SLC27A6: variants seen among roughly 807,000 people sequenced by gnomAD.
The protein encoded by SLC27A6 is solute carrier family 27 member 6.
A neutral mutation model predicts 63.9 loss-of-function variants in SLC27A6; 74 were observed. That is an observed-to-expected ratio of 1.16 (90% CI 0.96 to 1.40). SLC27A6 has a LOEUF of 1.40. Ranked by LOEUF, SLC27A6 falls within the 40% of genes most tolerant of loss-of-function variation. The pLI, the probability that SLC27A6 is intolerant of heterozygous loss-of-function variation, is 0.00. For missense variants in SLC27A6, 794 were observed against 732.9 expected, an observed-to-expected ratio of 1.08 and a Z score of -0.96; for synonymous variants, 287 against 260.8, an observed-to-expected ratio of 1.10 and a Z score of -0.97.
At chr5:129,005,575 A>G (rs1046872582) in intron 4 of SLC27A6, among the ~76,000 whole-genome samples, 1 of 151,022 alleles carries the variant, frequency 6.6e-6, no homozygotes, top group Non-Finnish European at 1.5e-5. Context: ...TCTCAAAAGC[A>G]GCCATAGATG....
intron 4 of SLC27A6, among the ~76,000 whole-genome samples, chr5:128,997,666 A>C (rs17767243): frequency 6.6e-6 from 1 of 152,044 alleles, no homozygotes; most frequent in Non-Finnish European, 1.5e-5. Context: ...ATCTTTTTCT[A>C]TCTGTCCTTT....
intron 1 of SLC27A6, among the ~76,000 whole-genome samples, chr5:128,973,363 G>T (rs181104264): frequency 1.3e-5 from 2 of 152,288 alleles, no homozygotes; most frequent in African/African-American, 4.8e-5. Flanking sequence ...ATTCAGCTAT[G>T]CCCTGCCCCC....
At chr5:129,011,913 A>G (rs1751740044) in intron 4 of SLC27A6, among the ~76,000 whole-genome samples, 1 of 152,108 alleles carries the variant, frequency 6.6e-6, no homozygotes, top group African/African-American at 2.4e-5. Context: ...CCCAAAAACC[A>G]TCTCTAGCTT....
chr5:128,965,817 A>G lies in SLC27A6; in HGVS notation c.-321A>G, dbSNP rs1049345039. ...TGTCGCGGTTGGGAGGCGAGGGCGC[A>G]GCGCTGGGGTTGTAGATTCCAAGAC... On this transcript the variant is annotated 5_prime_UTR_variant, in exon 1 of 10. Coordinates refer to ENST00000262462, the MANE Select transcript of SLC27A6 (RefSeq NM_001017372.3). 4.5e-5 allele frequency: 11 copies of G among 242,944 alleles called. No individual in the cohort carries two copies. The Admixed American group carries it at 5.6e-4, about 12-fold the overall frequency. 15.0% of individuals were successfully genotyped at this position (242,944 alleles called of 1,614,324 possible).
intron 1 of SLC27A6, among the ~76,000 whole-genome samples, chr5:128,970,329 G>A (rs1750094836): frequency 6.6e-6 from 1 of 152,172 alleles, no homozygotes; most frequent in Admixed American, 6.5e-5. Flanking sequence ...GTTTCAGAAG[G>A]AATGGTACCA....
chr5:129,027,314 T>C lies in SLC27A6; in HGVS notation c.1437T>C (p.Arg479=). 1 of 1,610,892 alleles carries C rather than the reference T, an allele frequency of 6.2e-7. No homozygotes were observed. The highest frequency in any genetic ancestry group is 8.5e-7 in the Non-Finnish European group (1 of 1,177,566). The change falls in exon 7 of 10, where the codon CGT becomes CGC. Residue 479 remains arginine (R), a synonymous_variant. Coordinates refer to ENST00000262462, the MANE Select transcript of SLC27A6 (RefSeq NM_001017372.3). ...DQDNFLYFWD[R]TGDTFRWKGE... is the part of the protein sequence containing the mutation. ...ACAATTTCCTTTATTTTTGGGACCG[T>C]ACTGGAGACACTTTCAGGTATGAAA...
intron 1 of SLC27A6, among the ~76,000 whole-genome samples, chr5:128,983,707 T>C (rs185886194): frequency 7.2e-5 from 11 of 152,234 alleles, no homozygotes; most frequent in African/African-American, 2.7e-4. Flanking sequence ...TTACTAATTC[T>C]ACCATCCACC....
intron 3 of SLC27A6, among the ~76,000 whole-genome samples, chr5:128,989,936 A>AG (rs1410581583): frequency 6.6e-6 from 1 of 152,008 alleles, no homozygotes; most frequent in African/African-American, 2.4e-5. Context: ...AAAAAAAAAA[A>AG]AAAAGATATG....
chr5:129,027,353 A>C, intron 7 of SLC27A6, 22 bp downstream of exon 7: 1 of 1,560,352 alleles, frequency 6.4e-7, no homozygotes, highest in Non-Finnish European at 8.8e-7. Context: ...TATGGGATCC[A>C]TAGCTTGTTC....
rs1752465865 is a variant in SLC27A6 at position 129,033,210 on chromosome 5, C to T, written c.1788C>T (p.Asn596=). ...CTGAACCACTTTACTTCATGGATAA[C>T]TTGAAAAAGTCTTATGTTCTACTGA... is the stretch of plus-strand genomic sequence containing the variant. ...KISEPLYFMD[N]LKKSYVLLTR... is the part of the protein sequence containing the mutation. The change falls in exon 10 of 10, where the codon AAC becomes AAT. Residue 596 remains asparagine (N), a synonymous_variant. Coordinates refer to ENST00000262462, the MANE Select transcript of SLC27A6 (RefSeq NM_001017372.3). 6.2e-7 allele frequency: 1 copy of T among 1,601,610 alleles called. No individual in the cohort carries two copies. Among genetic ancestry groups the T allele is most frequent in the Non-Finnish European group, 8.5e-7 (1 of 1,173,116 alleles).
chr5:128,973,574 C>T (rs1435214042), intron 1 of SLC27A6, among the ~76,000 whole-genome samples: 2 of 152,160 alleles, frequency 1.3e-5, no homozygotes, highest in Non-Finnish European at 2.9e-5. Flanking sequence ...TGGGACCCAC[C>T]AAGCCAGGCA....
At chr5:129,025,969 T>C (rs1561633411) in intron 6 of SLC27A6, among the ~76,000 whole-genome samples, 1 of 152,010 alleles carries the variant, frequency 6.6e-6, no homozygotes, top group East Asian at 1.9e-4. Context: ...ACCTCGTGTC[T>C]ACAAAAAAAT....
intron 1 of SLC27A6, among the ~76,000 whole-genome samples, chr5:128,968,718 G>C (rs568337262): frequency 1.7e-3 from 256 of 152,148 alleles, no homozygotes; most frequent in Middle Eastern, 0.014. Context: ...TAGGTTGCCT[G>C]TTCACTCTGA....
At position 129,033,219 on chromosome 5, in the gene SLC27A6, G is replaced by A. The variant is rs901208891; in HGVS notation, c.1797G>A (p.Lys599=). 11 of 1,599,918 alleles carry A rather than the reference G, an allele frequency of 6.9e-6. No individual in the cohort carries two copies. The Admixed American group carries it at 1.0e-4, about 15-fold the overall frequency. ...EPLYFMDNLK[K]SYVLLTRELY... ...TTTACTTCATGGATAACTTGAAAAAGTCTTATGTTCTACTGACCAGGGAAC... is the reference window on the plus strand; with the variant it reads ...TTTACTTCATGGATAACTTGAAAAAATCTTATGTTCTACTGACCAGGGAAC... The change falls in exon 10 of 10, where the codon AAG becomes AAA. Residue 599 remains lysine, a synonymous_variant. Coordinates refer to ENST00000262462, the MANE Select transcript of SLC27A6 (RefSeq NM_001017372.3).
At chr5:128,969,732 T>C (rs1261565851) in intron 1 of SLC27A6, among the ~76,000 whole-genome samples, 1 of 152,210 alleles carries the variant, frequency 6.6e-6, no homozygotes, top group Non-Finnish European at 1.5e-5. Context: ...GACTTCCTCT[T>C]TTCCTAATTG....
At chr5:128,969,947 T>G (rs1750073462) in intron 1 of SLC27A6, among the ~76,000 whole-genome samples, 1 of 152,190 alleles carries the variant, frequency 6.6e-6, no homozygotes, top group Admixed American at 6.5e-5. Context: ...CATCAATACC[T>G]AGTTTATTGA....
intron 4 of SLC27A6, among the ~76,000 whole-genome samples, chr5:128,998,775 C>G (rs1213712227): frequency 2.0e-5 from 3 of 152,086 alleles, no homozygotes; most frequent in African/African-American, 7.2e-5. Flanking sequence ...AACTTCCTTG[C>G]TATGAACACA....
intron 4 of SLC27A6, among the ~76,000 whole-genome samples, chr5:129,006,071 GTTT>G (rs4068575): frequency 1.5e-3 from 88 of 60,122 alleles, no homozygotes; most frequent in African/African-American, 6.7e-3. Flanking sequence ...TGTGCACACT[GTTT>G]TTTTTTTTTT....
chr5:129,012,250 G>T (rs2150148042), intron 4 of SLC27A6, among the ~76,000 whole-genome samples: 1 of 150,738 alleles, frequency 6.6e-6, no homozygotes, highest in Non-Finnish European at 1.5e-5. Context: ...TTATTATTAT[G>T]CAAACATTTG....
Sources: gnomAD v4.1 joint callset for allele counts (sites outside exome capture counted in the v4.1 genomes callset) on GRCh38, gnomAD v4.1.1 for gene constraint, MANE v1.5 for transcripts, NCBI Gene and HGNC (gene_info 2026-07-23, HGNC 2026-07-21) for gene names.